The following ATP2B1 variants were observed in gnomAD, a reference collection of about 807,000 sequenced individuals.
ATP2B1 encodes the protein ATPase plasma membrane Ca2+ transporting 1.
Under a neutral mutation model 124.2 loss-of-function variants are expected in ATP2B1, and 14 were observed. The ratio of observed to expected loss-of-function variants is 0.11; its 90% CI spans 0.07 to 0.18. The LOEUF (loss-of-function observed/expected upper bound fraction) is 0.18. Among genes scored for constraint, ATP2B1 ranks in the 10% least tolerant of loss-of-function variants. ATP2B1 has a pLI of 1.00. For missense variants in ATP2B1, 763 were observed against 1,466.1 expected (o/e 0.52, Z 7.83); for synonymous variants, 449 against 492.4 (o/e 0.91, Z 1.17).
intron 2 of ATP2B1, among the ~76,000 whole-genome samples, chr12:89,652,030 CA>C (rs1348930194): frequency 5.3e-5 from 8 of 152,124 alleles, no homozygotes; most frequent in African/African-American, 7.2e-5. Flanking sequence ...GACAGAAATC[CA>C]ATATCGACAC....
chr12:89,706,209 A>C (rs1407667506), intron 1 of ATP2B1, among the ~76,000 whole-genome samples: 3 of 152,290 alleles, frequency 2.0e-5, no homozygotes, highest in East Asian at 1.9e-4. Flanking sequence ...GGTCTTTATT[A>C]AACTTTGAAT....
At chr12:89,618,990 T>A (rs1006218166) in intron 11 of ATP2B1, among the ~76,000 whole-genome samples, 1 of 152,154 alleles carries the variant, frequency 6.6e-6, no homozygotes, top group African/African-American at 2.4e-5. Context: ...TATTTTTTTT[T>A]AACCAGTTCT....
chr12:89,620,930 T>A (rs1056674084), intron 10 of ATP2B1, among the ~76,000 whole-genome samples: 2 of 152,166 alleles, frequency 1.3e-5, no homozygotes, highest in African/African-American at 2.4e-5. Flanking sequence ...GCTTGCAATA[T>A]TATTTTTGTT....
At chr12:89,695,067 A>AAAAAAAAAAG (rs776192730) in intron 1 of ATP2B1, among the ~76,000 whole-genome samples, 1 of 146,078 alleles carries the variant, frequency 6.8e-6, no homozygotes. Context: ...TCAAAAAAAA[A>AAAAAAAAAAG]AAAAGAAAAG....
chr12:89,660,700 C>T (rs1325237496), intron 1 of ATP2B1, among the ~76,000 whole-genome samples: 1 of 152,066 alleles, frequency 6.6e-6, no homozygotes, highest in African/African-American at 2.4e-5. Flanking sequence ...CATGTAAACC[C>T]TTTGAACTTA....
intron 19 of ATP2B1, 50 bp downstream of exon 19, chr12:89,601,276 T>TAAA: frequency 9.2e-7 from 1 of 1,086,964 alleles, no homozygotes; most frequent in Non-Finnish European, 1.3e-6. Flanking sequence ...CACTAGAAAT[T>TAAA]AAAAAAAAAA....
intron 1 of ATP2B1, among the ~76,000 whole-genome samples, chr12:89,657,029 C>T (rs966948701): frequency 6.6e-6 from 1 of 152,130 alleles, no homozygotes; most frequent in Admixed American, 6.6e-5. Context: ...TCCTATTATA[C>T]TAATCTGCCT....
chr12:89,589,507 T>G lies in ATP2B1; in HGVS notation c.*1477A>C, dbSNP rs368365294. Reference sequence around the variant, plus strand: ...TTACCTAATCTGTTATTTGGCCACTTAAGAATTAAAATAAATGTATCAAAG... The same window carrying G: ...TTACCTAATCTGTTATTTGGCCACTGAAGAATTAAAATAAATGTATCAAAG... On this transcript the variant is annotated 3_prime_UTR_variant, in exon 21 of 21. Transcript: ENST00000428670. 1.3e-5 allele frequency: 2 copies of G among 152,250 alleles called. No individual in the cohort carries two copies. Among genetic ancestry groups the G allele is most frequent in the East Asian group, 3.9e-4 (2 of 5,190 alleles). The allele number at this position is 152,250 out of a possible 1,614,324, so 9.4% of individuals were successfully genotyped here.
intron 5 of ATP2B1, among the ~76,000 whole-genome samples, chr12:89,633,669 G>C (rs1343754797): frequency 6.6e-6 from 1 of 151,910 alleles, no homozygotes; most frequent in East Asian, 1.9e-4. Flanking sequence ...AAAAGTTATG[G>C]TTAAACTTAG....
chr12:89,643,206 G>A (rs1050629742), intron 2 of ATP2B1, among the ~76,000 whole-genome samples: 1 of 149,934 alleles, frequency 6.7e-6, no homozygotes, highest in African/African-American at 2.5e-5. Context: ...ATATATGTGT[G>A]TATATGTGTA....
At chr12:89,698,516 A>C (rs1452650391) in intron 1 of ATP2B1, among the ~76,000 whole-genome samples, 1 of 152,216 alleles carries the variant, frequency 6.6e-6, no homozygotes, top group African/African-American at 2.4e-5. Context: ...ATAAGGAGGC[A>C]CAAAAAATTT....
intron 19 of ATP2B1, among the ~76,000 whole-genome samples, chr12:89,599,857 G>A (rs776101113): frequency 2.0e-5 from 3 of 152,058 alleles, no homozygotes; most frequent in Non-Finnish European, 4.4e-5. Context: ...AAAACACAAA[G>A]GATACAAGAA....
At position 89,685,877 on chromosome 12, in the gene ATP2B1, C is replaced by T. The variant is rs146200901; in HGVS notation, c.-222+22719G>A. On this transcript the variant is annotated intron_variant, in intron 1 of 20. Transcript: ENST00000428670. ...TAAGAAGAGATACCAGCAAAAAGGCCATATGAGGACACAGCAAGAAGAAGG... is the reference window on the plus strand; with the variant it reads ...TAAGAAGAGATACCAGCAAAAAGGCTATATGAGGACACAGCAAGAAGAAGG... 5.1e-3 allele frequency among the ~76,000 whole-genome samples: 782 copies of T among 152,066 alleles called. 6 individuals are homozygous for T. The highest frequency in any genetic ancestry group is 7.8e-3 in the Admixed American group (119 of 15,248).
chr12:89,704,188 A>G (rs1031638119), intron 1 of ATP2B1, among the ~76,000 whole-genome samples: 1 of 152,244 alleles, frequency 6.6e-6, no homozygotes, highest in African/African-American at 2.4e-5. Flanking sequence ...AATTTAAAGA[A>G]GAAACTTTTA....
chr12:89,664,477 T>C (rs996431109), intron 1 of ATP2B1, among the ~76,000 whole-genome samples: 1 of 152,104 alleles, frequency 6.6e-6, no homozygotes, highest in African/African-American at 2.4e-5. Context: ...TCTTGGGAGG[T>C]TGGTCTAATT....
chr12:89,701,012 A>C lies in ATP2B1; in HGVS notation c.-222+7584T>G, dbSNP rs137873652. ...CTTAAATGTCTAAAATTACTACTCT[A>C]TGTATCACTCAGACATTCAATAGAA... is the stretch of plus-strand genomic sequence containing the variant. On this transcript the variant is annotated intron_variant, in intron 1 of 20. Coordinates refer to ENST00000428670, the MANE Select transcript of ATP2B1 (RefSeq NM_001366521.1). Among the ~76,000 whole-genome samples the C allele has an allele frequency of 1.1e-4, 17 of 152,334 alleles. No homozygotes were observed. In the East Asian group the frequency reaches 2.9e-3, roughly 26 times the overall value.
At chr12:89,592,468 T>C (rs1470465171) in intron 20 of ATP2B1, among the ~76,000 whole-genome samples, 2 of 152,032 alleles carry the variant, frequency 1.3e-5, no homozygotes, top group African/African-American at 2.4e-5. Flanking sequence ...TTTAAAAAAA[T>C]GTAATGTAGA....
chr12:89,685,478 A>T (rs899433830), intron 1 of ATP2B1, among the ~76,000 whole-genome samples: 14 of 152,030 alleles, frequency 9.2e-5, no homozygotes, highest in African/African-American at 3.4e-4. Flanking sequence ...GTAAATATGA[A>T]ATCAGTGACT....
chr12:89,658,112 C>T (rs1259176078), intron 1 of ATP2B1, among the ~76,000 whole-genome samples: 2 of 152,060 alleles, frequency 1.3e-5, no homozygotes, highest in East Asian at 1.9e-4. Flanking sequence ...ATTTGTTGGC[C>T]TGAACATCAC....
Sources: allele counts gnomAD v4.1 joint callset (sites outside exome capture counted in the v4.1 genomes callset), GRCh38; gene constraint gnomAD v4.1.1; transcripts MANE v1.5; gene names NCBI Gene and HGNC (gene_info 2026-07-23, HGNC 2026-07-21).